Variants in SSBP2 observed in about 807,000 individuals in gnomAD.
The protein encoded by SSBP2 is single stranded DNA binding protein 2, also known as single-stranded DNA-binding protein 2.
In SSBP2, 17 loss-of-function variants were observed where a neutral mutation model predicts 61.8. That is an observed-to-expected ratio of 0.28 (90% CI 0.19 to 0.41). The LOEUF is 0.41. SSBP2 is among the 10% of genes least tolerant of loss of function. The pLI is 1.00. For synonymous variants in SSBP2, 139 were observed against 141.3 expected (o/e 0.98, Z 0.12); for missense variants, 310 against 458.7 (o/e 0.68, Z 2.96).
intron 6 of SSBP2, among the ~76,000 whole-genome samples, chr5:81,480,641 A>G (rs1561450816): frequency 2.0e-5 from 3 of 152,170 alleles, no homozygotes; most frequent in Non-Finnish European, 4.4e-5. Context: ...CCTGGGCTCA[A>G]GAAATCCACC....
At position 81,553,037 on chromosome 5, in the gene SSBP2, T is replaced by C. The variant is rs1772325659; in HGVS notation, c.283-39320A>G. On this transcript the variant is annotated intron_variant, in intron 4 of 16. Transcript: ENST00000320672. ...AAATGAGGATGATAATGAGACTCCA[T>C]GACTGCTGAGAATCGGAAGAGGAGG... 2.6e-5 allele frequency among the ~76,000 whole-genome samples: 4 copies of C among 152,294 alleles called. No individual in the cohort carries two copies. The South Asian group carries it at 8.3e-4, about 32-fold the overall frequency.
intron 1 of SSBP2, among the ~76,000 whole-genome samples, chr5:81,686,787 G>A (rs1752816187): frequency 6.8e-6 from 1 of 147,870 alleles, no homozygotes; most frequent in Non-Finnish European, 1.5e-5. Flanking sequence ...CCCAGGAGGT[G>A]AAGGTTGCGG....
intron 1 of SSBP2, chr5:81,710,828 G>A: frequency 5.4e-6 from 2 of 371,242 alleles, no homozygotes; most frequent in East Asian, 8.2e-5. Flanking sequence ...TGGCAGGAAG[G>A]AAAGAACATT....
intron 2 of SSBP2, among the ~76,000 whole-genome samples, chr5:81,641,369 A>C (rs1206322426): frequency 6.6e-6 from 1 of 152,230 alleles, no homozygotes; most frequent in Non-Finnish European, 1.5e-5. Context: ...AGCATCACAT[A>C]TATCATCATT....
At position 81,466,978 on chromosome 5, in the gene SSBP2, T is replaced by C; in HGVS notation, c.634A>G (p.Asn212Asp). The C allele has an allele frequency of 6.2e-7, 1 of 1,603,934 alleles. No individual in the cohort carries two copies. Among genetic ancestry groups the C allele is most frequent in the Non-Finnish European group, 8.5e-7 (1 of 1,172,188 alleles). ...ATATGATATAACATTGCTTACATGTTCATTCCAGGCATTCCAGGGCCACCT... is the reference window on the plus strand; with the variant it reads ...ATATGATATAACATTGCTTACATGTCCATTCCAGGCATTCCAGGGCCACCT... The change falls in exon 9 of 17, where the codon AAC becomes GAC. Residue 212 changes from asparagine (N) to aspartate (D), a missense_variant. Around this residue, in one of 4 missense-constraint regions of SSBP2, gnomAD observed 209 missense variants for 286.4 expected, o/e 0.73. Coordinates refer to ENST00000320672, the MANE Select transcript of SSBP2 (RefSeq NM_012446.5).
At chr5:81,598,403 A>G (rs898483360) in intron 4 of SSBP2, among the ~76,000 whole-genome samples, 21 of 152,150 alleles carry the variant, frequency 1.4e-4, no homozygotes, top group Admixed American at 1.2e-3. Context: ...TAAGAAATAT[A>G]GAAGAATCAA....
chr5:81,704,797 A>C (rs1380776919), intron 1 of SSBP2, among the ~76,000 whole-genome samples: 4 of 55,818 alleles, frequency 7.2e-5, no homozygotes, highest in Non-Finnish European at 1.9e-4. Context: ...TTCCATCTCA[A>C]AAAAAAAAAA....
At chr5:81,567,360 A>T (rs1773498280) in intron 4 of SSBP2, among the ~76,000 whole-genome samples, 1 of 152,234 alleles carries the variant, frequency 6.6e-6, no homozygotes, top group African/African-American at 2.4e-5. Context: ...CAGATGATGC[A>T]AGCCCCAAGC....
chr5:81,424,420 G>A (rs1761821657), intron 16 of SSBP2, among the ~76,000 whole-genome samples: 1 of 151,368 alleles, frequency 6.6e-6, no homozygotes, highest in African/African-American at 2.4e-5. Context: ...TGAGACTCTA[G>A]TCTCAAAAAT....
At chr5:81,445,187 T>TA (rs1322736336) in intron 12 of SSBP2, among the ~76,000 whole-genome samples, 1 of 126,424 alleles carries the variant, frequency 7.9e-6, no homozygotes, top group East Asian at 2.3e-4. Flanking sequence ...TGTATGTATT[T>TA]ACTGGAAAAT....
intron 5 of SSBP2, among the ~76,000 whole-genome samples, chr5:81,510,710 G>A (rs935138123): frequency 1.5e-4 from 23 of 151,562 alleles, no homozygotes; most frequent in East Asian, 7.8e-4. Flanking sequence ...GCGGTGAGCC[G>A]AGATCACGCC....
At position 81,668,348 on chromosome 5, in the gene SSBP2, T is replaced by C. The variant is rs1751335793; in HGVS notation, c.63-18009A>G. Among the ~76,000 whole-genome samples the C allele has an allele frequency of 1.3e-5, 2 of 151,536 alleles. 1 individual carries two copies. The highest frequency in any genetic ancestry group is 4.2e-4 in the South Asian group (2 of 4,798). On this transcript the variant is annotated intron_variant, in intron 1 of 16. Coordinates refer to ENST00000320672, the MANE Select transcript of SSBP2 (RefSeq NM_012446.5). ...TTAACACAGAATTAACATTTCTTCA[T>C]GCATTCAAATACGAATAGCCAAAAC...
intron 4 of SSBP2, among the ~76,000 whole-genome samples, chr5:81,580,533 T>C (rs931927253): frequency 2.0e-5 from 3 of 152,070 alleles, no homozygotes; most frequent in Non-Finnish European, 2.9e-5. Context: ...CCAACCCCGA[T>C]GTTTATATTC....
chr5:81,583,472 G>A (rs71636278), intron 4 of SSBP2, among the ~76,000 whole-genome samples: 27,609 of 151,384 alleles, frequency 0.18, 2,682 homozygotes, highest in Non-Finnish European at 0.23. Context: ...TACTAAAAAT[G>A]CAAAAAAATT....
chr5:81,473,269 C>T (rs575325613), intron 8 of SSBP2, among the ~76,000 whole-genome samples: 57 of 152,218 alleles, frequency 3.7e-4, no homozygotes, highest in Non-Finnish European at 4.9e-4. Context: ...CTTTAAGTTT[C>T]GGAATACAAG....
intron 1 of SSBP2, among the ~76,000 whole-genome samples, chr5:81,711,719 C>T (rs956892019): frequency 6.6e-6 from 1 of 151,868 alleles, no homozygotes. Context: ...ACCTTTATCT[C>T]ATCCAAAATA....
intron 9 of SSBP2, among the ~76,000 whole-genome samples, chr5:81,466,193 G>C (rs1764879852): frequency 6.6e-6 from 1 of 151,950 alleles, no homozygotes; most frequent in African/African-American, 2.4e-5. Flanking sequence ...TCATGAAACT[G>C]ATCCTCTTGT....
At chr5:81,699,041 T>C (rs1753780607) in intron 1 of SSBP2, among the ~76,000 whole-genome samples, 1 of 152,228 alleles carries the variant, frequency 6.6e-6, no homozygotes, top group African/African-American at 2.4e-5. Context: ...TCACAACGCA[T>C]ATAAAAGCTA....
chr5:81,522,230 T>G (rs186588909), intron 4 of SSBP2, among the ~76,000 whole-genome samples: 4 of 152,124 alleles, frequency 2.6e-5, no homozygotes, highest in Admixed American at 2.6e-4. Context: ...ATGGCATTAT[T>G]TGAGAAATGT....
Sources: gnomAD v4.1 joint callset for allele counts (sites outside exome capture counted in the v4.1 genomes callset) on GRCh38, gnomAD v4.1.1 for gene constraint, gnomAD v4.1.1 regional missense constraint, MANE v1.5 for transcripts, NCBI Gene and HGNC (gene_info 2026-07-23, HGNC 2026-07-21) for gene names.